The following PCCA variants were observed in gnomAD, a reference collection of about 807,000 sequenced individuals.
PCCA encodes propionyl-CoA carboxylase subunit alpha.
A neutral mutation model predicts 101.3 loss-of-function variants in PCCA; 74 were observed. The observed-to-expected ratio is 0.73, with a 90% CI of 0.61 to 0.89. PCCA has a LOEUF of 0.89. PCCA is among the 40% of genes least tolerant of loss of function. PCCA has a pLI of 0.00. For synonymous variants in PCCA, 294 were observed against 313.6 expected, an observed-to-expected ratio of 0.94 and a Z score of 0.66; for missense variants, 891 against 907.0, an observed-to-expected ratio of 0.98 and a Z score of 0.23.
intron 6 of PCCA, among the ~76,000 whole-genome samples, chr13:100,191,247 T>C (rs2057721572): frequency 6.6e-6 from 1 of 152,250 alleles, no homozygotes; most frequent in Admixed American, 6.5e-5. Context: ...ACGACAGTTG[T>C]GATTTCATAA....
At position 100,297,928 on chromosome 13, in the gene PCCA, A is replaced by C. The variant is rs192993512; in HGVS notation, c.1066-3532A>C. Among the ~76,000 whole-genome samples, 38 of 151,994 alleles carry C rather than the reference A, an allele frequency of 2.5e-4. 1 individual carries two copies. The highest frequency in any genetic ancestry group is 8.9e-4 in the African/African-American group (37 of 41,466). ...TTGAGAAATTTGTCTTTGAGGATTC[A>C]GGTATTATAACTTGGTAGGGCTTAC... On this transcript the variant is annotated intron_variant, in intron 12 of 23. Transcript: ENST00000376285.
At chr13:100,518,273 A>C (rs2086982653) in intron 22 of PCCA, among the ~76,000 whole-genome samples, 1 of 152,250 alleles carries the variant, frequency 6.6e-6, no homozygotes, top group South Asian at 2.1e-4. Flanking sequence ...TAAGTTCTAA[A>C]AAAAGTGTCA....
In PCCA at chr13:100,268,367, T is replaced by C. The variant is rs2063083394; in HGVS notation, c.820-322T>C. On this transcript the variant is annotated intron_variant, in intron 10 of 23. Coordinates refer to ENST00000376285, the MANE Select transcript of PCCA (RefSeq NM_000282.4). ...GTGGCACTCCTCAGCAACATTGACATCCAGTGTTTATCCCCTTCACTAACA... is the reference window on the plus strand; with the variant it reads ...GTGGCACTCCTCAGCAACATTGACACCCAGTGTTTATCCCCTTCACTAACA... Among the ~76,000 whole-genome samples, 3 of 152,188 alleles carry C rather than the reference T, an allele frequency of 2.0e-5. No homozygotes were observed. In the South Asian group the frequency reaches 6.2e-4, roughly 32 times the overall value.
intron 19 of PCCA, among the ~76,000 whole-genome samples, chr13:100,377,634 A>G (rs983634926): frequency 1.3e-5 from 2 of 152,078 alleles, no homozygotes; most frequent in African/African-American, 2.4e-5. Flanking sequence ...AGCTGGGACT[A>G]CAGGCGCCTG....
At chr13:100,261,468 C>T (rs1344239079) in intron 9 of PCCA, among the ~76,000 whole-genome samples, 3 of 151,728 alleles carry the variant, frequency 2.0e-5, no homozygotes, top group Non-Finnish European at 4.4e-5. Flanking sequence ...CAGGTTCAAG[C>T]GGTTCTCCTG....
chr13:100,143,936 T>TC (rs1346861580), intron 4 of PCCA, among the ~76,000 whole-genome samples: 1 of 151,916 alleles, frequency 6.6e-6, no homozygotes, highest in Non-Finnish European at 1.5e-5. Flanking sequence ...GAGAAATTTT[T>TC]TTTTTTTTTT....
At chr13:100,094,228 C>CA (rs1219610982) in intron 1 of PCCA, among the ~76,000 whole-genome samples, 2,184 of 53,130 alleles carry the variant, frequency 0.041, 57 homozygotes, top group African/African-American at 0.082. Flanking sequence ...AAATCTGTCT[C>CA]AAAAAAAAAA....
chr13:100,386,337 T>C (rs538950184), intron 19 of PCCA, among the ~76,000 whole-genome samples: 6 of 152,336 alleles, frequency 3.9e-5, no homozygotes, highest in African/African-American at 1.4e-4. Context: ...ATTGAAATAC[T>C]GTGCAGCCTT....
chr13:100,469,335 GA>G (rs1409423586), intron 21 of PCCA, among the ~76,000 whole-genome samples: 2 of 152,020 alleles, frequency 1.3e-5, no homozygotes, highest in African/African-American at 4.8e-5. Flanking sequence ...CAAAGGAAAG[GA>G]AAAGGGCTCA....
intron 11 of PCCA, among the ~76,000 whole-genome samples, chr13:100,270,646 T>C (rs2063249054): frequency 6.6e-6 from 1 of 152,222 alleles, no homozygotes; most frequent in Non-Finnish European, 1.5e-5. Context: ...TCATCATTAA[T>C]ACTGACCTGA....
Position 100,154,547 on chromosome 13 carries a change from T to C in PCCA, c.301-432T>C, listed in dbSNP as rs1479682012. 1.2e-5 allele frequency: 3 copies of C among 248,560 alleles called. No individual in the cohort carries two copies. The Admixed American group carries it at 1.5e-4, about 13-fold the overall frequency. The allele number at this position is 248,560 out of a possible 1,614,324, so 15.4% of individuals were successfully genotyped here. A position where few individuals can be genotyped will look rare whatever the true frequency, so the allele number is the denominator to read the frequency against. ...ATGCTGTGCAGGGACACTCACTGCATCCCTCCATTCAGTCCCTCTAATTAT... is the reference window on the plus strand; with the variant it reads ...ATGCTGTGCAGGGACACTCACTGCACCCCTCCATTCAGTCCCTCTAATTAT... On this transcript the variant is annotated intron_variant, in intron 4 of 23. Transcript: ENST00000376285.
chr13:100,246,984 A>G (rs997955653), intron 8 of PCCA, among the ~76,000 whole-genome samples: 10 of 150,632 alleles, frequency 6.6e-5, no homozygotes, highest in African/African-American at 1.7e-4. Flanking sequence ...TCTTGGCTCA[A>G]TGCAACCTCC....
At chr13:100,217,315 C>T (rs1203078453) in intron 7 of PCCA, among the ~76,000 whole-genome samples, 3 of 143,744 alleles carry the variant, frequency 2.1e-5, no homozygotes, top group African/African-American at 5.2e-5. Flanking sequence ...CGTGGTGGTG[C>T]GCACCTGTAA....
rs559389124 is a variant in PCCA at position 100,436,850 on chromosome 13, C to T, written c.1845+11119C>T. ...TTTGCTGATTCTTTTTAGTTCCTGA[C>T]CTCCCAACATTTGCGAAATCCATAC... On this transcript the variant is annotated intron_variant, in intron 20 of 23. Coordinates refer to ENST00000376285, the MANE Select transcript of PCCA (RefSeq NM_000282.4). 2.0e-5 allele frequency among the ~76,000 whole-genome samples: 3 copies of T among 152,256 alleles called. No homozygotes were observed. The East Asian group carries it at 5.8e-4, about 29-fold the overall frequency.
At chr13:100,403,488 G>A (rs1256356714) in intron 19 of PCCA, among the ~76,000 whole-genome samples, 3 of 152,148 alleles carry the variant, frequency 2.0e-5, no homozygotes, top group Non-Finnish European at 4.4e-5. Context: ...AAGAGGAGCA[G>A]GTGCATCACA....
intron 21 of PCCA, among the ~76,000 whole-genome samples, chr13:100,481,834 C>T (rs905249143): frequency 1.3e-5 from 2 of 152,090 alleles, no homozygotes; most frequent in Non-Finnish European, 2.9e-5. Context: ...GTAAATGAAA[C>T]CTTGGAAAGC....
intron 21 of PCCA, among the ~76,000 whole-genome samples, chr13:100,454,967 A>T (rs965749436): frequency 2.0e-5 from 3 of 152,330 alleles, no homozygotes; most frequent in African/African-American, 7.2e-5. Context: ...AAGAATGATG[A>T]TACAACAGAT....
intron 21 of PCCA, chr13:100,491,802 T>C: frequency 8.9e-7 from 1 of 1,119,426 alleles, no homozygotes; most frequent in South Asian, 1.8e-5. Flanking sequence ...CTCCAATAAA[T>C]GTAAATATTT....
At chr13:100,168,268 A>G (rs2055257712) in intron 6 of PCCA, among the ~76,000 whole-genome samples, 1 of 152,208 alleles carries the variant, frequency 6.6e-6, no homozygotes, top group Non-Finnish European at 1.5e-5. Context: ...ACTGGGTCTA[A>G]GATAAATTAG....
Sources: allele counts gnomAD v4.1 joint callset (sites outside exome capture counted in the v4.1 genomes callset), GRCh38; gene constraint gnomAD v4.1.1; transcripts MANE v1.5; gene names NCBI Gene and HGNC (gene_info 2026-07-23, HGNC 2026-07-21).